The following FHIT variants were observed in gnomAD, a reference collection of about 807,000 sequenced individuals.
The protein encoded by FHIT is bis(5'-adenosyl)-triphosphatase.
FHIT carries 19 observed loss-of-function variants against 17.9 expected under a neutral mutation model. The ratio of observed to expected loss-of-function variants is 1.06; its 90% CI spans 0.74 to 1.56. The LOEUF is 1.56. Among genes scored for constraint, FHIT ranks in the 40% most tolerant of loss-of-function variants. The pLI is 0.00. For synonymous variants in FHIT, 81 were observed against 69.7 expected (o/e 1.16, Z -0.81); for missense variants, 248 against 189.2 (o/e 1.31, Z -1.82).
At chr3:59,961,770 G>A (rs1427808684) in intron 7 of FHIT, among the ~76,000 whole-genome samples, 2 of 152,184 alleles carry the variant, frequency 1.3e-5, no homozygotes, top group Non-Finnish European at 2.9e-5. Flanking sequence ...CCAGTGAGAT[G>A]AGCCAGGTAC....
chr3:61,111,245 A>T (rs1253910822), intron 2 of FHIT, among the ~76,000 whole-genome samples: 1 of 152,174 alleles, frequency 6.6e-6, no homozygotes, highest in Non-Finnish European at 1.5e-5. Flanking sequence ...TCTCTCTAGC[A>T]TTTATTCCAA....
At chr3:60,144,992 G>A (rs999227680) in intron 5 of FHIT, among the ~76,000 whole-genome samples, 2 of 151,998 alleles carry the variant, frequency 1.3e-5, no homozygotes, top group Admixed American at 6.6e-5. Flanking sequence ...ATGATTTGGA[G>A]GAAAAAAACA....
chr3:60,265,477 T>C (rs1354865133), intron 5 of FHIT, among the ~76,000 whole-genome samples: 1 of 151,966 alleles, frequency 6.6e-6, no homozygotes, highest in Non-Finnish European at 1.5e-5. Context: ...AAAACATACA[T>C]GTAAACCTTC....
At chr3:60,615,659 A>G (rs7640515) in intron 4 of FHIT, among the ~76,000 whole-genome samples, 57,106 of 151,754 alleles carry the variant, frequency 0.38, 11,141 homozygotes, top group Non-Finnish European at 0.42. Context: ...CTATGTGTAC[A>G]ACCCTCTGCC....
intron 4 of FHIT, among the ~76,000 whole-genome samples, chr3:60,725,626 C>A (rs1553709281): frequency 6.6e-6 from 1 of 152,074 alleles, no homozygotes; most frequent in Non-Finnish European, 1.5e-5. Flanking sequence ...TGACAAACTG[C>A]CTGAAAGCCT....
intron 6 of FHIT, among the ~76,000 whole-genome samples, chr3:60,011,822 G>C (rs930304679): frequency 1.3e-5 from 2 of 152,126 alleles, no homozygotes; most frequent in Admixed American, 1.3e-4. Flanking sequence ...GGAAGAATAT[G>C]GGGTATTTCA....
intron 3 of FHIT, among the ~76,000 whole-genome samples, chr3:60,903,891 C>A (rs781978445): frequency 2.6e-5 from 4 of 152,226 alleles, no homozygotes; most frequent in Non-Finnish European, 2.9e-5. Flanking sequence ...AGTACTGTTT[C>A]CAAAGTAACC....
chr3:61,226,271 C>T (rs12497257), intron 1 of FHIT, among the ~76,000 whole-genome samples: 11,953 of 152,092 alleles, frequency 0.079, 1,129 homozygotes, highest in East Asian at 0.4. Flanking sequence ...CTTTTGATAA[C>T]GGGAAACACT....
intron 5 of FHIT, among the ~76,000 whole-genome samples, chr3:60,522,149 C>A (rs958804816): frequency 7.6e-6 from 1 of 132,254 alleles, no homozygotes; most frequent in Admixed American, 8.7e-5. Flanking sequence ...TGCTCTGTTG[C>A]CTAGGCTGGT....
chr3:60,414,940 G>A (rs931308889), intron 5 of FHIT, among the ~76,000 whole-genome samples: 3 of 152,154 alleles, frequency 2.0e-5, no homozygotes, highest in South Asian at 2.1e-4. Flanking sequence ...TGATAGTTTC[G>A]TAGCTCTCAA....
At chr3:61,211,976 G>C (rs150359870) in intron 1 of FHIT, among the ~76,000 whole-genome samples, 81 of 152,242 alleles carry the variant, frequency 5.3e-4, no homozygotes, top group African/African-American at 1.9e-3. Context: ...CTAACAAACA[G>C]AAAGGACATC....
At chr3:61,148,181 A>G (rs1039343707) in intron 2 of FHIT, among the ~76,000 whole-genome samples, 3 of 152,076 alleles carry the variant, frequency 2.0e-5, no homozygotes, top group Non-Finnish European at 4.4e-5. Flanking sequence ...CTTTTAATGA[A>G]AAAGAAATTC....
chr3:60,046,800 C>T (rs1575969807), intron 5 of FHIT, among the ~76,000 whole-genome samples: 1 of 152,094 alleles, frequency 6.6e-6, no homozygotes, highest in Non-Finnish European at 1.5e-5. Context: ...AAGAACTCAG[C>T]CCAAGCTTTC....
intron 3 of FHIT, among the ~76,000 whole-genome samples, chr3:60,827,729 G>A (rs1262172108): frequency 3.3e-5 from 5 of 152,202 alleles, no homozygotes; most frequent in African/African-American, 1.2e-4. Context: ...AGGGAGCTGT[G>A]CACTAAAATG....
At chr3:60,425,156 C>T (rs921641112) in intron 5 of FHIT, among the ~76,000 whole-genome samples, 1 of 152,074 alleles carries the variant, frequency 6.6e-6, no homozygotes, top group African/African-American at 2.4e-5. Flanking sequence ...CTATCTGAAG[C>T]ACCCTCCTAC....
At chr3:61,076,137 C>A (rs531686634) in intron 2 of FHIT, among the ~76,000 whole-genome samples, 1 of 152,280 alleles carries the variant, frequency 6.6e-6, no homozygotes, top group South Asian at 2.1e-4. Context: ...ACTACCTGTT[C>A]TCTGCACACC....
intron 4 of FHIT, among the ~76,000 whole-genome samples, chr3:60,768,052 T>C (rs912890769): frequency 6.6e-6 from 1 of 152,188 alleles, no homozygotes; most frequent in Non-Finnish European, 1.5e-5. Flanking sequence ...ACAGACAACA[T>C]TGCACGATAA....
chr3:61,051,874 A>G (rs1247217086), intron 2 of FHIT, among the ~76,000 whole-genome samples: 1 of 152,178 alleles, frequency 6.6e-6, no homozygotes, highest in Non-Finnish European at 1.5e-5. Flanking sequence ...TCTAATGATG[A>G]GTAAGAATGC....
intron 4 of FHIT, among the ~76,000 whole-genome samples, chr3:60,537,292 G>A (rs1333100759): frequency 6.6e-6 from 1 of 151,966 alleles, no homozygotes; most frequent in Non-Finnish European, 1.5e-5. Context: ...AATCCACAAG[G>A]CCCTATTTGT....
Sources: gnomAD v4.1 joint callset for allele counts (sites outside exome capture counted in the v4.1 genomes callset) on GRCh38, gnomAD v4.1.1 for gene constraint, MANE v1.5 for transcripts, NCBI Gene and HGNC (gene_info 2026-07-23, HGNC 2026-07-21) for gene names.